The following CFAP299 variants were observed in gnomAD, a reference collection of about 807,000 sequenced individuals.
CFAP299 encodes cilia and flagella associated protein 299.
CFAP299 carries 21 observed loss-of-function variants against 27.0 expected under a neutral mutation model. The observed-to-expected ratio is 0.78, with a 90% CI of 0.55 to 1.12. The LOEUF is 1.12. CFAP299 is among the 50% of genes most tolerant of loss of function. The pLI is 0.00. For missense variants in CFAP299, 310 were observed against 276.6 expected (o/e 1.12, Z -0.86); for synonymous variants, 104 against 98.1 (o/e 1.06, Z -0.36).
At chr4:80,689,366 G>C (rs576351231) in intron 3 of CFAP299, among the ~76,000 whole-genome samples, 1 of 152,214 alleles carries the variant, frequency 6.6e-6, no homozygotes, top group Non-Finnish European at 1.5e-5. Flanking sequence ...CTACAAGCCA[G>C]AACAGAGTGG....
chr4:80,548,072 C>T (rs1029806964), intron 2 of CFAP299, among the ~76,000 whole-genome samples: 1 of 152,082 alleles, frequency 6.6e-6, no homozygotes, highest in African/African-American at 2.4e-5. Flanking sequence ...AGGCACACGC[C>T]CTTGTGTGTT....
At chr4:80,590,364 C>G (rs542003588) in intron 3 of CFAP299, among the ~76,000 whole-genome samples, 2 of 152,264 alleles carry the variant, frequency 1.3e-5, no homozygotes, top group Admixed American at 1.3e-4. Context: ...ATGAGCTGGG[C>G]ACAGTGGCTC....
At chr4:80,608,248 TG>T in intron 3 of CFAP299, 2 of 809,932 alleles carry the variant, frequency 2.5e-6, no homozygotes, top group South Asian at 1.7e-5. Flanking sequence ...TACCAGAGGG[TG>T]GGGTTCAAGC....
intron 2 of CFAP299, among the ~76,000 whole-genome samples, chr4:80,385,175 C>T (rs962965878): frequency 3.3e-5 from 5 of 152,110 alleles, no homozygotes; most frequent in Admixed American, 2.0e-4. Context: ...CATGCTGTGC[C>T]ATACATCTTG....
At chr4:80,767,889 C>G (rs1352956574) in intron 3 of CFAP299, among the ~76,000 whole-genome samples, 1 of 152,068 alleles carries the variant, frequency 6.6e-6, no homozygotes, top group Non-Finnish European at 1.5e-5. Context: ...TCAAAATAGA[C>G]TCTCTATTTT....
rs375156386 is a variant in CFAP299, at chr4:80,483,867, C to T, written c.243-99226C>T. Among the ~76,000 whole-genome samples the T allele has an allele frequency of 2.6e-4, 39 of 152,186 alleles. 1 individual carries two copies. Among genetic ancestry groups the T allele is most frequent in the South Asian group, 2.1e-4 (1 of 4,826 alleles). ...TAAATACTTAGAACACTTAAACTTT[C>T]GAATTGCTATTTTGTTCAGTGCCAA... On this transcript the variant is annotated intron_variant, in intron 2 of 5. Transcript: ENST00000358105.
At chr4:80,422,409 A>G (rs945438407) in intron 2 of CFAP299, among the ~76,000 whole-genome samples, 1 of 152,052 alleles carries the variant, frequency 6.6e-6, no homozygotes, top group East Asian at 1.9e-4. Flanking sequence ...AGCCCTCCAC[A>G]GGTGAGTTGC....
At chr4:80,477,608 A>C (rs1730347447) in intron 2 of CFAP299, among the ~76,000 whole-genome samples, 1 of 152,088 alleles carries the variant, frequency 6.6e-6, no homozygotes, top group African/African-American at 2.4e-5. Flanking sequence ...TCTCAACTTC[A>C]AGCATTCTAC....
chr4:80,328,873 T>C, the CFAP299 span, among the ~76,000 whole-genome samples: 1 of 152,128 alleles, frequency 6.6e-6, no homozygotes, highest in Non-Finnish European at 1.5e-5. Flanking sequence ...TTTTCCAGAA[T>C]AAAAAATTAT....
intron 3 of CFAP299, among the ~76,000 whole-genome samples, chr4:80,836,923 T>A (rs1225898288): frequency 6.6e-6 from 1 of 152,120 alleles, no homozygotes; most frequent in Non-Finnish European, 1.5e-5. Flanking sequence ...AAAGCATTAC[T>A]CCTCCAAGCA....
chr4:80,719,943 G>T (rs1448316664), intron 3 of CFAP299, among the ~76,000 whole-genome samples: 2 of 152,146 alleles, frequency 1.3e-5, no homozygotes, highest in African/African-American at 4.8e-5. Context: ...TTCAGTGTCA[G>T]AAAACAAAGG....
chr4:80,538,084 C>T (rs898990514), intron 2 of CFAP299, among the ~76,000 whole-genome samples: 1 of 152,050 alleles, frequency 6.6e-6, no homozygotes, highest in Non-Finnish European at 1.5e-5. Context: ...AAAAATTTGT[C>T]TCCTGGTGAC....
intron 3 of CFAP299, among the ~76,000 whole-genome samples, chr4:80,672,960 C>A (rs1461902208): frequency 6.7e-6 from 1 of 149,346 alleles, no homozygotes; most frequent in South Asian, 2.1e-4. Flanking sequence ...AAAAAAACAG[C>A]TCCTGGATTC....
chr4:80,791,919 AT>A (rs972923733), intron 3 of CFAP299, among the ~76,000 whole-genome samples: 3 of 152,062 alleles, frequency 2.0e-5, no homozygotes, highest in African/African-American at 7.2e-5. Flanking sequence ...TCTCAGAAGC[AT>A]GGAGAATGAC....
rs1578011023 is a variant in CFAP299 at position 80,680,807 on chromosome 4, C to T, written c.333+97624C>T. Among the ~76,000 whole-genome samples the T allele has an allele frequency of 4.6e-5, 7 of 152,152 alleles. No individual in the cohort carries two copies. The South Asian group carries it at 1.5e-3, about 32-fold the overall frequency. Reference sequence around the variant, plus strand: ...ATAGTCCACCAGTCTACTATACACTCTCAGCCATGAAGTGAAATTCAAGAA... The same window carrying T: ...ATAGTCCACCAGTCTACTATACACTTTCAGCCATGAAGTGAAATTCAAGAA... On this transcript the variant is annotated intron_variant, in intron 3 of 5. Transcript: ENST00000358105.
chr4:80,839,751 C>T (rs956375672), intron 3 of CFAP299, among the ~76,000 whole-genome samples: 2 of 151,522 alleles, frequency 1.3e-5, no homozygotes, highest in Non-Finnish European at 2.9e-5. Flanking sequence ...AAAAAAGATA[C>T]TCTTTGTGGA....
At chr4:80,623,294 C>G (rs2109934572) in intron 3 of CFAP299, among the ~76,000 whole-genome samples, 1 of 151,906 alleles carries the variant, frequency 6.6e-6, no homozygotes, top group East Asian at 1.9e-4. Context: ...GCAAAATGCA[C>G]AAGAATATGT....
the CFAP299 span, among the ~76,000 whole-genome samples, chr4:80,327,241 G>A: frequency 6.6e-6 from 1 of 152,152 alleles, no homozygotes; most frequent in East Asian, 1.9e-4. Context: ...CTGGGGCAGG[G>A]AAGGAGAGAT....
intron 2 of CFAP299, among the ~76,000 whole-genome samples, chr4:80,466,855 G>A (rs1729729975): frequency 6.6e-6 from 1 of 152,206 alleles, no homozygotes; most frequent in African/African-American, 2.4e-5. Flanking sequence ...GATAGTGTCA[G>A]AGCAAGCAGA....
Sources: gnomAD v4.1 joint callset for allele counts (sites outside exome capture counted in the v4.1 genomes callset) on GRCh38, gnomAD v4.1.1 for gene constraint, MANE v1.5 for transcripts, NCBI Gene and HGNC (gene_info 2026-07-23, HGNC 2026-07-21) for gene names.